HTT: variants seen among roughly 807,000 people sequenced by gnomAD.
HTT encodes the protein huntington disease protein.
Under a neutral mutation model 362.3 loss-of-function variants are expected in HTT, and 104 were observed. That is an observed-to-expected ratio of 0.29 (90% CI 0.24 to 0.34). HTT has a LOEUF of 0.34. HTT is among the 10% of genes least tolerant of loss of function. The pLI is 1.00. For missense variants in HTT, 3,301 were observed against 3,928.6 expected, an observed-to-expected ratio of 0.84 and a Z score of 4.27; for synonymous variants, 1,577 against 1,548.7, an observed-to-expected ratio of 1.02 and a Z score of -0.43.
intron 47 of HTT, among the ~76,000 whole-genome samples, chr4:3,210,904 C>CTTTTTTTTTTTTTTTTTTT: frequency 8.1e-6 from 1 of 122,732 alleles, no homozygotes; most frequent in Non-Finnish European, 1.6e-5. Context: ...AATTGTTTAT[C>CTTTTTTTTTTTTTTTTTTT]TTTTTTTTTT....
At chr4:3,087,431 C>G (rs771534196) in intron 2 of HTT, among the ~76,000 whole-genome samples, 2 of 152,196 alleles carry the variant, frequency 1.3e-5, no homozygotes, top group African/African-American at 2.4e-5. Context: ...ACCTCTGCTC[C>G]TAGCAGTGGC....
At chr4:3,152,949 C>G (rs1716972043) in intron 26 of HTT, among the ~76,000 whole-genome samples, 1 of 152,064 alleles carries the variant, frequency 6.6e-6, no homozygotes, top group South Asian at 2.1e-4. Flanking sequence ...CCATGCCCGG[C>G]TAACCTTTCA....
intron 29 of HTT, among the ~76,000 whole-genome samples, chr4:3,168,367 G>A (rs911415561): frequency 2.0e-5 from 3 of 152,200 alleles, no homozygotes; most frequent in East Asian, 1.9e-4. Flanking sequence ...GCTTGATGTG[G>A]CGACGGGTAT....
chr4:3,145,256 T>C (rs1326565250), intron 24 of HTT, 28 bp downstream of exon 24: 1 of 1,402,498 alleles, frequency 7.1e-7, no homozygotes, highest in Non-Finnish European at 1.0e-6. Context: ...TATATATTAA[T>C]AGTTGTCTAC....
chr4:3,091,043 T>TA (rs1713479583), intron 2 of HTT, among the ~76,000 whole-genome samples: 1 of 152,094 alleles, frequency 6.6e-6, no homozygotes, highest in Non-Finnish European at 1.5e-5. Context: ...ACCCAGGAGG[T>TA]ACAGGTTGCG....
intron 3 of HTT, 127 bp downstream of exon 3, chr4:3,099,521 T>C: frequency 7.5e-7 from 1 of 1,327,664 alleles, no homozygotes; most frequent in Non-Finnish European, 1.0e-6. Context: ...CTTTCTGATG[T>C]ATGGTTTGGA....
intron 33 of HTT, among the ~76,000 whole-genome samples, chr4:3,176,173 A>G (rs1578562052): frequency 6.6e-6 from 1 of 151,762 alleles, no homozygotes; most frequent in Non-Finnish European, 1.5e-5. Flanking sequence ...GACTACAGGC[A>G]CCCACCACTA....
intron 1 of HTT, among the ~76,000 whole-genome samples, chr4:3,080,488 A>G (rs1010314169): frequency 2.6e-5 from 4 of 152,154 alleles, no homozygotes; most frequent in Non-Finnish European, 4.4e-5. Flanking sequence ...AGTTCTTTAT[A>G]TATTCTGGAT....
At chr4:3,144,386 T>C (rs974468700) in intron 23 of HTT, among the ~76,000 whole-genome samples, 4 of 152,184 alleles carry the variant, frequency 2.6e-5, no homozygotes, top group African/African-American at 9.6e-5. Flanking sequence ...GGCATGATCT[T>C]GGCTCACTGC....
Position 3,107,308 on chromosome 4 carries a change from C to CG in HTT, c.633dup (p.Cys212ValfsTer34). ...AGGCCTTACCTGGTGAACCTTCTGC[C>CG]GTGCCTGACTCGAACAAGCAAGAGA... On this transcript the variant is annotated frameshift_variant, in exon 6 of 67. Transcript: ENST00000355072. LOFTEE classifies it high-confidence loss of function. 1 of 1,614,168 alleles carries CG rather than the reference C, an allele frequency of 6.2e-7. No homozygotes were observed. The highest frequency in any genetic ancestry group is 8.5e-7 in the Non-Finnish European group (1 of 1,180,016).
At chr4:3,080,766 A>G (rs535584308) in intron 1 of HTT, among the ~76,000 whole-genome samples, 1 of 152,306 alleles carries the variant, frequency 6.6e-6, no homozygotes, top group South Asian at 2.1e-4. Flanking sequence ...GTTAATTTTT[A>G]TATATGGTTC....
chr4:3,215,306 G>T, intron 51 of HTT, 95 bp downstream of exon 51: 1 of 848,888 alleles, frequency 1.2e-6, no homozygotes, highest in East Asian at 2.6e-5. Flanking sequence ...GTGGACTCCT[G>T]GAAGCGCACC....
intron 40 of HTT, among the ~76,000 whole-genome samples, chr4:3,194,945 T>A (rs907992206): frequency 2.6e-5 from 4 of 152,218 alleles, no homozygotes; most frequent in African/African-American, 9.7e-5. Flanking sequence ...ATTTTAATTA[T>A]CCCAGTTAAT....
At chr4:3,075,647 C>CGGGGGGGGGGGGGGGGGGG (rs1560535774) in intron 1 of HTT, among the ~76,000 whole-genome samples, 89 of 61,646 alleles carry the variant, frequency 1.4e-3, no homozygotes, top group Middle Eastern at 6.5e-3. Context: ...AGTGGCGGGG[C>CGGGGGGGGGGGGGGGGGGG]AGGGGGGGGG....
At chr4:3,227,742 G>T (rs2110293323) in intron 57 of HTT, among the ~76,000 whole-genome samples, 1 of 25,184 alleles carries the variant, frequency 4.0e-5, no homozygotes, top group South Asian at 1.6e-3. Flanking sequence ...CCTGTCTGGG[G>T]CTGAAGGACA....
chr4:3,204,090 G>T lies in HTT; in HGVS notation c.5660G>T (p.Gly1887Val), dbSNP rs1221973490. The T allele has an allele frequency of 6.2e-7, 1 of 1,614,164 alleles. No individual in the cohort carries two copies. The highest frequency in any genetic ancestry group is 8.5e-7 in the Non-Finnish European group (1 of 1,180,000). Residue 1887 changes from glycine to valine, a missense_variant, in exon 42 of 67, where the codon GGA becomes GTA. By Grantham distance (109) the Gly-to-Val change is moderately radical. Around this residue, in one of 4 missense-constraint regions of HTT, gnomAD observed 2,316 missense variants for 2,658.5 expected, o/e 0.87. Coordinates refer to ENST00000355072, the MANE Select transcript of HTT (RefSeq NM_001388492.1). ...EEDSDLAAKLGMCNREIVRRG... is the reference protein window; with the variant it reads ...EEDSDLAAKLVMCNREIVRRG... ...GATTCTGACTTGGCAGCCAAACTTG[G>T]AATGTGCAATAGAGAAATAGTACGA...
intron 37 of HTT, among the ~76,000 whole-genome samples, chr4:3,185,422 G>A (rs1718715624): frequency 6.6e-6 from 1 of 152,172 alleles, no homozygotes; most frequent in African/African-American, 2.4e-5. Flanking sequence ...TTCCCTTGTT[G>A]TAAGATGTGG....
chr4:3,220,194 G>A lies in HTT; in HGVS notation c.7255G>A (p.Gly2419Arg), dbSNP rs1332917451. ...TRVPPLVWKL[G>R]WSPKPGGDFG... is the part of the protein sequence containing the mutation. ...TTCATCTTCTCAGGTGTGGAAGCTT[G>A]GATGGTCACCCAAACCGGGAGGGGA... The change falls in exon 53 of 67, where the codon GGA (glycine) becomes AGA (arginine). Residue 2419 changes from glycine to arginine, a missense_variant. By Grantham distance (125) the Gly-to-Arg change is moderately radical. This residue lies in a region of HTT where 753 missense variants were observed against 1,021.3 expected (regional missense o/e 0.74). Coordinates refer to ENST00000355072, the MANE Select transcript of HTT (RefSeq NM_001388492.1). The A allele has an allele frequency of 6.2e-7, 1 of 1,614,182 alleles. No homozygotes were observed. Among genetic ancestry groups the A allele is most frequent in the Non-Finnish European group, 8.5e-7 (1 of 1,180,022 alleles).
intron 40 of HTT, among the ~76,000 whole-genome samples, chr4:3,193,585 A>C (rs1346263016): frequency 1.3e-5 from 2 of 152,104 alleles, no homozygotes; most frequent in Non-Finnish European, 2.9e-5. Context: ...CTCTCCTTCC[A>C]TCTCACAATT....
Sources: gnomAD v4.1 joint callset for allele counts (sites outside exome capture counted in the v4.1 genomes callset) on GRCh38, gnomAD v4.1.1 for gene constraint, gnomAD v4.1.1 regional missense constraint, MANE v1.5 for transcripts, NCBI Gene and HGNC (gene_info 2026-07-23, HGNC 2026-07-21) for gene names.